The following DNAJC1 variants were observed in gnomAD, a reference collection of about 807,000 sequenced individuals.
The protein encoded by DNAJC1 is DnaJ heat shock protein family (Hsp40) member C1.
A neutral mutation model predicts 76.6 loss-of-function variants in DNAJC1; 58 were observed. The ratio of observed to expected loss-of-function variants is 0.76; its 90% confidence interval spans 0.61 to 0.94. The LOEUF (loss-of-function observed/expected upper bound fraction) is 0.94. DNAJC1 is among the 40% of genes least tolerant of loss of function. The pLI, the probability that DNAJC1 is intolerant of heterozygous loss-of-function variation, is 0.00. For synonymous variants in DNAJC1, 258 were observed against 267.9 expected, an observed-to-expected ratio of 0.96 and a Z score of 0.36; for missense variants, 689 against 677.3, an observed-to-expected ratio of 1.02 and a Z score of -0.19.
rs933670388 is a variant in DNAJC1 at position 22,003,189 on chromosome 10, G to A, written c.222+24C>T. On this transcript the variant is annotated intron_variant, in intron 1 of 11. Coordinates refer to ENST00000376980, the MANE Select transcript of DNAJC1 (RefSeq NM_022365.4). ...CGCCTGCCCTGGCCCCTCTCCGCCC[G>A]GCCCCGCGCGCCTCCTTGCTTACCT... 5 of 1,499,916 alleles carry A rather than the reference G, an allele frequency of 3.3e-6. No homozygotes were observed. The African/African-American group carries it at 4.3e-5, about 13-fold the overall frequency. 92.9% of individuals were successfully genotyped at this position (1,499,916 alleles called of 1,614,324 possible).
At position 22,003,568 on chromosome 10, in the gene DNAJC1, AG is replaced by A; in HGVS notation, c.-135del. The A allele has an allele frequency of 1.8e-6, 2 of 1,110,118 alleles. No homozygotes were observed. The highest frequency in any genetic ancestry group is 7.1e-5 in the East Asian group (2 of 28,334). The allele number at this position is 1,110,118 out of a possible 1,614,324, so 68.8% of individuals were successfully genotyped here. On this transcript the variant is annotated 5_prime_UTR_variant, in exon 1 of 12. Coordinates refer to ENST00000376980, the MANE Select transcript of DNAJC1 (RefSeq NM_022365.4). ...GGCAGGCGCACCGGAGCGGCCCGCC[AG>A]GTGGCTGGCCCCAGACAGAGCGCGG...
chr10:21,851,418 T>C (rs1394124017), intron 8 of DNAJC1, among the ~76,000 whole-genome samples: 7 of 152,172 alleles, frequency 4.6e-5, no homozygotes, highest in Non-Finnish European at 1.0e-4. Context: ...CAAAGTGAGA[T>C]AGTGAGATAT....
intron 9 of DNAJC1, among the ~76,000 whole-genome samples, chr10:21,772,998 T>C (rs75623936): frequency 0.023 from 3,441 of 152,096 alleles, 118 homozygotes; most frequent in African/African-American, 0.077. Flanking sequence ...CAACCAGATC[T>C]TGTGAGACCT....
At chr10:21,757,262 T>A (rs535785368) in intron 11 of DNAJC1, among the ~76,000 whole-genome samples, 41 of 152,118 alleles carry the variant, frequency 2.7e-4, no homozygotes, top group South Asian at 1.7e-3. Flanking sequence ...CCCACCTCCA[T>A]CCCACCCTAC....
At chr10:21,774,428 G>A (rs1280638448) in intron 9 of DNAJC1, among the ~76,000 whole-genome samples, 1 of 152,120 alleles carries the variant, frequency 6.6e-6, no homozygotes, top group Non-Finnish European at 1.5e-5. Flanking sequence ...TTAAAGTCAT[G>A]CTACAGCCTT....
intron 8 of DNAJC1, among the ~76,000 whole-genome samples, chr10:21,841,685 G>C (rs1434284094): frequency 6.6e-6 from 1 of 152,164 alleles, no homozygotes; most frequent in East Asian, 1.9e-4. Context: ...CATTGTGGAA[G>C]TCAGTGTGGC....
intron 1 of DNAJC1, among the ~76,000 whole-genome samples, chr10:22,000,432 T>C (rs1838500624): frequency 6.6e-6 from 1 of 152,222 alleles, no homozygotes; most frequent in South Asian, 2.1e-4. Context: ...GGTCTTCCCT[T>C]ACCACCTATG....
At chr10:21,759,029 C>T (rs753767005) in intron 11 of DNAJC1, 141 bp downstream of exon 11, 1 of 871,514 alleles carries the variant, frequency 1.1e-6, no homozygotes, top group Non-Finnish European at 1.8e-6. Flanking sequence ...GAGAAATATA[C>T]TGGAAGATAA....
At chr10:21,998,616 A>G (rs941516476) in intron 1 of DNAJC1, among the ~76,000 whole-genome samples, 2 of 152,032 alleles carry the variant, frequency 1.3e-5, no homozygotes, top group African/African-American at 4.8e-5. Context: ...GGAGTGCCCT[A>G]TTATTAAAGT....
intron 7 of DNAJC1, among the ~76,000 whole-genome samples, chr10:21,883,534 C>A (rs540875498): frequency 9.9e-5 from 15 of 152,190 alleles, no homozygotes; most frequent in African/African-American, 3.6e-4. Flanking sequence ...GGGATTACAT[C>A]CTGATAAACC....
In DNAJC1 at chr10:21,966,811, G is replaced by A. The variant is rs560085044; in HGVS notation, c.222+36402C>T. ...AACAATTCTCCTGCCTCAGCCTCCC[G>A]AGTAGCTGGGATTACAGGCACGTGC... On this transcript the variant is annotated intron_variant, in intron 1 of 11. Coordinates refer to ENST00000376980, the MANE Select transcript of DNAJC1 (RefSeq NM_022365.4). 2.6e-4 allele frequency among the ~76,000 whole-genome samples: 40 copies of A among 151,060 alleles called. No homozygotes were observed. The East Asian group carries it at 5.3e-3, about 20-fold the overall frequency.
chr10:21,920,985 TTTTCACGGGGAGTTTAAAATAAAA>T, intron 3 of DNAJC1, 22 bp from the exon 4 acceptor site: 1 of 1,508,290 alleles, frequency 6.6e-7, no homozygotes, highest in Non-Finnish European at 8.9e-7. Context: ...ATATAACAGT[TTTTCACGGGGAGTTTAAAATAAAA>T]ACAAAAAAAA....
intron 8 of DNAJC1, among the ~76,000 whole-genome samples, chr10:21,821,124 T>C (rs900686791): frequency 6.6e-6 from 1 of 152,172 alleles, no homozygotes; most frequent in African/African-American, 2.4e-5. Context: ...CATTCCTTCC[T>C]CCAGAGTATG....
chr10:21,804,948 G>A (rs1392126769), intron 9 of DNAJC1, among the ~76,000 whole-genome samples: 2 of 152,022 alleles, frequency 1.3e-5, no homozygotes, highest in East Asian at 1.9e-4. Flanking sequence ...CCAACGTGAC[G>A]GATTAGAGAT....
At chr10:21,927,685 G>A (rs1837151739) in intron 3 of DNAJC1, among the ~76,000 whole-genome samples, 1 of 152,154 alleles carries the variant, frequency 6.6e-6, no homozygotes, top group African/African-American at 2.4e-5. Flanking sequence ...AATATCTTGT[G>A]AAACTATTGT....
At chr10:21,980,403 T>C (rs537150811) in intron 1 of DNAJC1, among the ~76,000 whole-genome samples, 3 of 152,208 alleles carry the variant, frequency 2.0e-5, no homozygotes, top group African/African-American at 7.2e-5. Context: ...ACCACTTCCA[T>C]AGTATTTATA....
intron 3 of DNAJC1, among the ~76,000 whole-genome samples, chr10:21,921,766 A>C (rs1270916616): frequency 1.3e-5 from 2 of 152,070 alleles, no homozygotes; most frequent in Admixed American, 6.6e-5. Flanking sequence ...AGGATAAAAA[A>C]GTTACTTTAA....
At chr10:21,881,404 T>G (rs1161220757) in intron 8 of DNAJC1, among the ~76,000 whole-genome samples, 2 of 152,220 alleles carry the variant, frequency 1.3e-5, no homozygotes, top group African/African-American at 2.4e-5. Context: ...CAACCATGCC[T>G]TCCGAACTAA....
chr10:21,757,957 T>C (rs1278527662), intron 11 of DNAJC1, among the ~76,000 whole-genome samples: 1 of 152,226 alleles, frequency 6.6e-6, no homozygotes, highest in African/African-American at 2.4e-5. Context: ...CAGTGTGGAC[T>C]CATCACACAT....
Sources: allele counts gnomAD v4.1 joint callset (sites outside exome capture counted in the v4.1 genomes callset), GRCh38; gene constraint gnomAD v4.1.1; transcripts MANE v1.5; gene names NCBI Gene and HGNC (gene_info 2026-07-23, HGNC 2026-07-21).